Variants in COBL observed in about 807,000 individuals in gnomAD.
COBL encodes the protein protein cordon-bleu.
COBL carries 51 observed loss-of-function variants against 98.8 expected under a neutral mutation model. The ratio of observed to expected loss-of-function variants is 0.52; its 90% CI spans 0.41 to 0.65. The LOEUF (loss-of-function observed/expected upper bound fraction) is 0.65. Among genes scored for constraint, COBL ranks in the 30% least tolerant of loss-of-function variants. The pLI, the probability that COBL is intolerant of heterozygous loss-of-function variation, is 0.00. For missense variants in COBL, 1,617 were observed against 1,617.5 expected (o/e 1.00, Z 0.01); for synonymous variants, 634 against 651.7 (o/e 0.97, Z 0.41).
intron 8 of COBL, 56 bp downstream of exon 8, chr7:51,043,327 T>A (rs185888501): frequency 6.5e-7 from 1 of 1,543,400 alleles, no homozygotes; most frequent in Non-Finnish European, 8.9e-7. Flanking sequence ...AGACCCTCTT[T>A]AGAGACACAG....
chr7:51,239,054 C>T (rs1250764006), intron 1 of COBL, among the ~76,000 whole-genome samples: 2 of 152,160 alleles, frequency 1.3e-5, no homozygotes, highest in East Asian at 1.9e-4. Context: ...ATATGCAGCC[C>T]TTATCACTTC....
chr7:51,018,259 GTGGTGGTGGTGATGGTGA>G (rs938114934), intron 12 of COBL: 2 of 123,458 alleles, frequency 1.6e-5, no homozygotes, highest in African/African-American at 2.6e-5. Flanking sequence ...GACGATGGTG[GTGGTGGTGGTGATGGTGA>G]TGGTGATGGT....
At chr7:51,156,966 G>A (rs923753752) in intron 5 of COBL, among the ~76,000 whole-genome samples, 8 of 152,036 alleles carry the variant, frequency 5.3e-5, no homozygotes, top group Non-Finnish European at 1.2e-4. Context: ...ACCTTCCTTC[G>A]CCCTTCTCAC....
At chr7:51,046,525 C>T (rs952406876) in intron 7 of COBL, among the ~76,000 whole-genome samples, 2 of 152,210 alleles carry the variant, frequency 1.3e-5, no homozygotes, top group African/African-American at 4.8e-5. Context: ...ATCCTGCCCC[C>T]ACCCCACATC....
At chr7:51,298,358 A>G (rs184210837) in intron 1 of COBL, among the ~76,000 whole-genome samples, 1 of 152,244 alleles carries the variant, frequency 6.6e-6, no homozygotes, top group African/African-American at 2.4e-5. Context: ...TACTACACCT[A>G]CAGACTTCAA....
intron 6 of COBL, among the ~76,000 whole-genome samples, chr7:51,095,424 T>C (rs951495493): frequency 6.6e-6 from 1 of 151,816 alleles, no homozygotes; most frequent in African/African-American, 2.4e-5. Flanking sequence ...ACTACAAACG[T>C]CAACAAAATA....
rs143865639 is a variant in COBL at position 51,135,464 on chromosome 7, C to T, written c.957+694G>A. ...CGACTTGCAAAAATAGATGGACAGA[C>T]GGACATACCTGGACAGAACGACAAG... is the stretch of plus-strand genomic sequence containing the variant. On this transcript the variant is annotated intron_variant, in intron 6 of 12. Transcript: ENST00000265136. Among the ~76,000 whole-genome samples, 1,029 of 152,048 alleles carry T rather than the reference C, an allele frequency of 6.8e-3. 14 individuals are homozygous for T. Among genetic ancestry groups the T allele is most frequent in the Non-Finnish European group, 0.011 (724 of 67,998 alleles).
chr7:51,094,254 T>C (rs1021274970), intron 6 of COBL, among the ~76,000 whole-genome samples: 17 of 151,788 alleles, frequency 1.1e-4, no homozygotes, highest in Non-Finnish European at 2.5e-4. Flanking sequence ...AGAGGAGACA[T>C]TGGTTAAAGG....
intron 2 of COBL, among the ~76,000 whole-genome samples, chr7:51,208,647 A>C (rs1202722512): frequency 6.6e-6 from 1 of 152,216 alleles, no homozygotes; most frequent in African/African-American, 2.4e-5. Context: ...AAAGACTGAG[A>C]AATCGGATGG....
chr7:51,199,816 G>A (rs1285152859), intron 2 of COBL, among the ~76,000 whole-genome samples: 1 of 151,056 alleles, frequency 6.6e-6, no homozygotes, highest in Non-Finnish European at 1.5e-5. Context: ...GAAAGCCTAT[G>A]AAACTTACAG....
chr7:51,303,707 AT>A (rs768140322), intron 1 of COBL, among the ~76,000 whole-genome samples: 9 of 152,234 alleles, frequency 5.9e-5, no homozygotes, highest in Non-Finnish European at 1.2e-4. Flanking sequence ...AATTCAGCTT[AT>A]CTGCTGACCC....
chr7:51,157,411 T>C (rs1039652549), intron 5 of COBL, among the ~76,000 whole-genome samples: 2 of 152,056 alleles, frequency 1.3e-5, no homozygotes, highest in African/African-American at 2.4e-5. Context: ...GCCAGAGAAT[T>C]TGGAGTTTCA....
intron 5 of COBL, among the ~76,000 whole-genome samples, chr7:51,177,803 TAA>T (rs1788531771): frequency 1.3e-5 from 2 of 148,448 alleles, no homozygotes; most frequent in African/African-American, 5.0e-5. Context: ...AATAAATAAA[TAA>T]ATAAATAAAT....
intron 5 of COBL, among the ~76,000 whole-genome samples, chr7:51,149,135 G>C (rs960896847): frequency 2.6e-5 from 4 of 152,132 alleles, no homozygotes; most frequent in African/African-American, 4.8e-5. Context: ...TGCTTGGCTT[G>C]ATTTTGTTTC....
At chr7:51,122,532 T>C (rs1407856119) in intron 6 of COBL, among the ~76,000 whole-genome samples, 1 of 152,210 alleles carries the variant, frequency 6.6e-6, no homozygotes, top group Non-Finnish European at 1.5e-5. Context: ...TCATAAGTGT[T>C]GTTTTTTCGT....
intron 5 of COBL, among the ~76,000 whole-genome samples, chr7:51,181,369 C>T (rs1351708604): frequency 6.6e-6 from 1 of 152,348 alleles, no homozygotes. Flanking sequence ...AAGCCAATTG[C>T]TACTTGAGCT....
chr7:51,231,389 C>A (rs1794733011), intron 1 of COBL, among the ~76,000 whole-genome samples: 1 of 152,208 alleles, frequency 6.6e-6, no homozygotes, highest in Admixed American at 6.5e-5. Context: ...GTGGCCTCCT[C>A]CCCTCACCTG....
At chr7:51,109,916 C>T (rs892476387) in intron 6 of COBL, among the ~76,000 whole-genome samples, 8 of 152,076 alleles carry the variant, frequency 5.3e-5, no homozygotes, top group Admixed American at 4.6e-4. Flanking sequence ...TGCAAAGGTA[C>T]GAGGAAGAAT....
intron 1 of COBL, among the ~76,000 whole-genome samples, chr7:51,311,192 G>C (rs529632572): frequency 6.6e-6 from 1 of 152,170 alleles, no homozygotes; most frequent in South Asian, 2.1e-4. Flanking sequence ...GTTTTTAGCT[G>C]GGGGATTACT....
Sources: allele counts gnomAD v4.1 joint callset (sites outside exome capture counted in the v4.1 genomes callset), GRCh38; gene constraint gnomAD v4.1.1; transcripts MANE v1.5; gene names NCBI Gene and HGNC (gene_info 2026-07-23, HGNC 2026-07-21).